CLDN10: variants seen among roughly 807,000 people sequenced by gnomAD.
CLDN10 encodes claudin-10.
CLDN10 carries 15 observed loss-of-function variants against 22.9 expected under a neutral mutation model. The observed-to-expected ratio is 0.65, with a 90% CI of 0.44 to 1.01. CLDN10 has a LOEUF of 1.01. Ranked by LOEUF, CLDN10 falls within the 50% of genes least tolerant of loss-of-function variation. The probability of loss-of-function intolerance (pLI) is 0.00; values close to 1 mark genes in which losing one functional copy is unlikely to be tolerated. For missense variants in CLDN10, 247 were observed against 287.8 expected (o/e 0.86, Z 1.03); for synonymous variants, 114 against 111.4 (o/e 1.02, Z -0.15).
intron 3 of CLDN10, among the ~76,000 whole-genome samples, chr13:95,575,590 C>T (rs1031987311): frequency 1.3e-3 from 192 of 151,742 alleles, no homozygotes; most frequent in African/African-American, 4.2e-3. Context: ...CTGCTCAGTT[C>T]GTGTGTGTGT....
intron 1 of CLDN10, among the ~76,000 whole-genome samples, chr13:95,554,180 G>A (rs1254560616): frequency 6.6e-6 from 1 of 152,158 alleles, no homozygotes; most frequent in East Asian, 1.9e-4. Flanking sequence ...GGTAAAATAA[G>A]CAGCCGGAAC....
At chr13:95,438,547 A>G (rs547664952) in intron 1 of CLDN10, among the ~76,000 whole-genome samples, 1 of 152,368 alleles carries the variant, frequency 6.6e-6, no homozygotes, top group South Asian at 2.1e-4. Context: ...CCAGGATTTC[A>G]GTGGAATGAA....
intron 1 of CLDN10, among the ~76,000 whole-genome samples, chr13:95,542,675 C>T (rs1358927173): frequency 4.0e-5 from 6 of 151,848 alleles, no homozygotes; most frequent in East Asian, 1.9e-4. Flanking sequence ...GGCATGGTGG[C>T]GCACGCCTGT....
rs552242579 is a variant in CLDN10 at position 95,531,012 on chromosome 13, G to C, written c.215-29120G>C. On this transcript the variant is annotated intron_variant, in intron 1 of 4. Transcript: ENST00000376873. ...ACAATCTTGGCTCACTCAGCCTCCC[G>C]GGTTCAAGCGATTCTCCTGCCTCAG... Among the ~76,000 whole-genome samples the C allele has an allele frequency of 2.1e-4, 31 of 151,086 alleles. No individual in the cohort carries two copies. In the East Asian group the frequency reaches 4.9e-3, roughly 24 times the overall value.
intron 1 of CLDN10, among the ~76,000 whole-genome samples, chr13:95,500,377 C>T (rs73545006): frequency 0.074 from 11,206 of 152,198 alleles, 465 homozygotes; most frequent in Non-Finnish European, 0.086. Context: ...AGGAGTTAGT[C>T]GCCATGCAAT....
intron 1 of CLDN10, chr13:95,533,826 C>T (rs2043372055): frequency 6.6e-6 from 1 of 152,334 alleles, no homozygotes; most frequent in African/African-American, 2.4e-5. Context: ...CCTGCTTCTC[C>T]CCTCCACTCT....
chr13:95,577,827 G>C, intron 4 of CLDN10, 73 bp from the exon 5 acceptor site: 1 of 905,352 alleles, frequency 1.1e-6, no homozygotes, highest in East Asian at 2.5e-5. Flanking sequence ...GAGACAGGCC[G>C]AAACAGTTTC....
chr13:95,516,865 A>C (rs2043172478), intron 1 of CLDN10, among the ~76,000 whole-genome samples: 1 of 151,918 alleles, frequency 6.6e-6, no homozygotes, highest in Non-Finnish European at 1.5e-5. Context: ...GGGAGGGGAG[A>C]GTGTCTCCTA....
chr13:95,490,734 G>A (rs1470883060), intron 1 of CLDN10, among the ~76,000 whole-genome samples: 1 of 152,116 alleles, frequency 6.6e-6, no homozygotes, highest in African/African-American at 2.4e-5. Context: ...ATAGAATGCA[G>A]TTGTTGGATG....
chr13:95,556,739 G>C (rs2138651372), intron 1 of CLDN10, among the ~76,000 whole-genome samples: 1 of 152,350 alleles, frequency 6.6e-6, no homozygotes, highest in South Asian at 2.1e-4. Flanking sequence ...AGGATTTGCA[G>C]AAGTACACAA....
chr13:95,485,134 A>G (rs1465144106), intron 1 of CLDN10, among the ~76,000 whole-genome samples: 2 of 113,972 alleles, frequency 1.8e-5, no homozygotes, highest in African/African-American at 4.3e-5. Flanking sequence ...GCAGCTGGGA[A>G]CAGAGTGAAC....
intron 1 of CLDN10, among the ~76,000 whole-genome samples, chr13:95,545,758 G>A (rs2043502163): frequency 6.6e-6 from 1 of 152,042 alleles, no homozygotes; most frequent in African/African-American, 2.4e-5. Context: ...AACATGAGAA[G>A]GAGCGTCCAC....
At chr13:95,576,040 A>G (rs1229242277) in intron 3 of CLDN10, among the ~76,000 whole-genome samples, 2 of 152,178 alleles carry the variant, frequency 1.3e-5, no homozygotes, top group African/African-American at 4.8e-5. Context: ...TGCGACTCAG[A>G]CCACACCAGA....
At chr13:95,574,330 A>C (rs1056217535) in intron 3 of CLDN10, among the ~76,000 whole-genome samples, 2 of 152,218 alleles carry the variant, frequency 1.3e-5, no homozygotes, top group Admixed American at 6.5e-5. Context: ...ATTGTTAAAA[A>C]AAAAATGGGG....
intron 1 of CLDN10, among the ~76,000 whole-genome samples, chr13:95,555,267 C>G (rs768686997): frequency 2.6e-5 from 4 of 152,160 alleles, no homozygotes; most frequent in Non-Finnish European, 4.4e-5. Context: ...AGGCTGATCG[C>G]GAACTCCTGA....
chr13:95,457,091 T>C (rs35970607), intron 1 of CLDN10, among the ~76,000 whole-genome samples: 13,666 of 152,230 alleles, frequency 0.09, 874 homozygotes, highest in South Asian at 0.22. Flanking sequence ...AGTGTTCCTG[T>C]GATCCAGAAG....
At chr13:95,567,337 A>T (rs1228234021) in intron 3 of CLDN10, among the ~76,000 whole-genome samples, 2 of 152,132 alleles carry the variant, frequency 1.3e-5, no homozygotes, top group Non-Finnish European at 2.9e-5. Flanking sequence ...GGTCCTTCAC[A>T]TCCCTTGTAA....
At chr13:95,520,708 C>A (rs1026125776) in intron 1 of CLDN10, among the ~76,000 whole-genome samples, 1 of 152,112 alleles carries the variant, frequency 6.6e-6, no homozygotes, top group South Asian at 2.1e-4. Flanking sequence ...TGAGGGCGGG[C>A]GTGGTGGCTC....
At chr13:95,545,130 A>T (rs979431362) in intron 1 of CLDN10, among the ~76,000 whole-genome samples, 1 of 152,162 alleles carries the variant, frequency 6.6e-6, no homozygotes, top group Non-Finnish European at 1.5e-5. Flanking sequence ...TTTCTTCAGC[A>T]TCAAACTCAG....
Sources: gnomAD v4.1 joint callset for allele counts (sites outside exome capture counted in the v4.1 genomes callset) on GRCh38, gnomAD v4.1.1 for gene constraint, MANE v1.5 for transcripts, NCBI Gene and HGNC (gene_info 2026-07-23, HGNC 2026-07-21) for gene names.